The following RBM44 variants were observed in gnomAD, a reference collection of about 807,000 sequenced individuals.
RBM44 encodes the protein RNA-binding protein 44.
A neutral mutation model predicts 105.1 loss-of-function variants in RBM44; 66 were observed. The ratio of observed to expected loss-of-function variants is 0.63; its 90% CI spans 0.52 to 0.77. The LOEUF (loss-of-function observed/expected upper bound fraction) is 0.77. Among genes scored for constraint, RBM44 ranks in the 30% least tolerant of loss-of-function variants. The probability of loss-of-function intolerance (pLI) is 0.00; values close to 1 mark genes in which losing one functional copy is unlikely to be tolerated. For synonymous variants in RBM44, 365 were observed against 417.6 expected, an observed-to-expected ratio of 0.87 and a Z score of 1.54; for missense variants, 1,122 against 1,207.8, an observed-to-expected ratio of 0.93 and a Z score of 1.05.
chr2:237,816,010 T>C (rs1354960573), intron 2 of RBM44, among the ~76,000 whole-genome samples: 1 of 152,154 alleles, frequency 6.6e-6, no homozygotes, highest in African/African-American at 2.4e-5. Flanking sequence ...ATAAAGGGCC[T>C]TTTTCAGTTG....
rs1481563588 is a variant in RBM44, at chr2:237,842,426, G to C, written c.*610G>C. On this transcript the variant is annotated 3_prime_UTR_variant, in exon 16 of 16. Transcript: ENST00000316997. ...TTATGACTTCAGTATAAAACATTCA[G>C]GTGTGTTAGCCTTCCCTGGGAAGGG... 1.3e-5 allele frequency: 2 copies of C among 151,962 alleles called. No homozygotes were observed. Among genetic ancestry groups the C allele is most frequent in the Non-Finnish European group, 2.9e-5 (2 of 67,936 alleles). The allele number at this position is 151,962 out of a possible 1,614,324, so 9.4% of individuals were successfully genotyped here. A position where few individuals can be genotyped will look rare whatever the true frequency, so the allele number is the denominator to read the frequency against.
intron 1 of RBM44, among the ~76,000 whole-genome samples, chr2:237,799,913 G>T (rs1413613337): frequency 1.3e-5 from 2 of 152,152 alleles, no homozygotes; most frequent in African/African-American, 2.4e-5. Flanking sequence ...GGTTTCTGGC[G>T]ATACCATTCC....
At position 237,818,165 on chromosome 2, in the gene RBM44, A is replaced by G; in HGVS notation, c.1246A>G (p.Ile416Val). The change falls in exon 3 of 16, where the codon ATC (isoleucine) becomes GTC (valine). Residue 416 changes from isoleucine to valine, a missense_variant. Transcript: ENST00000316997. The surrounding 1 kb of genome is among the most constrained non-coding windows in gnomAD (Gnocchi z 4.6). ...ALDFSAMLPKIAVRDNQAIED... is the reference protein window; with the variant it reads ...ALDFSAMLPKVAVRDNQAIED... ...AGATTTTTCTGCTATGCTACCAAAG[A>G]TCGCAGTCAGAGATAATCAGGCAAT... 1 of 1,613,196 alleles carries G rather than the reference A, an allele frequency of 6.2e-7. No homozygotes were observed. The highest frequency in any genetic ancestry group is 8.5e-7 in the Non-Finnish European group (1 of 1,179,514).
intron 2 of RBM44, 143 bp from the exon 3 acceptor site, chr2:237,816,850 G>A: frequency 1.8e-6 from 1 of 554,816 alleles, no homozygotes; most frequent in Non-Finnish European, 3.1e-6. Context: ...GTTTTTAGCT[G>A]CTACTGAAAG....
At position 237,823,554 on chromosome 2, in the gene RBM44, G is replaced by T; in HGVS notation, c.2320G>T (p.Asp774Tyr). 7.3e-7 allele frequency: 1 copy of T among 1,361,710 alleles called. No individual in the cohort carries two copies. Among genetic ancestry groups the T allele is most frequent in the Non-Finnish European group, 1.0e-6 (1 of 975,178 alleles). The allele number at this position is 1,361,710 out of a possible 1,614,324, so 84.4% of individuals were successfully genotyped here. A position where few individuals can be genotyped will look rare whatever the true frequency, so the allele number is the denominator to read the frequency against. Residue 774 changes from aspartate to tyrosine, a missense_variant and splice_region_variant, in exon 9 of 16, where the codon GAC (aspartate) becomes TAC (tyrosine). Asp to Tyr is a radical substitution (Grantham distance 160). Around this residue, in one of 3 missense-constraint regions of RBM44, gnomAD observed 918 missense variants for 955.3 expected, o/e 0.96. Transcript: ENST00000316997. ...TAGTCAACTGAAACTTGGTGATAAA[G>T]GTTAGTATAAAAATGTGTTATCTTG... is the stretch of plus-strand genomic sequence containing the variant. ...DFSQLKLGDK[D>Y]CRHYQETSED... is the part of the protein sequence containing the mutation.
chr2:237,835,242 C>T (rs1186556551), intron 15 of RBM44, among the ~76,000 whole-genome samples: 1 of 152,222 alleles, frequency 6.6e-6, no homozygotes, highest in African/African-American at 2.4e-5. Context: ...CTCTTTCCCT[C>T]TCTTTGGTCT....
chr2:237,839,109 A>G (rs1193140335), intron 15 of RBM44, among the ~76,000 whole-genome samples: 2 of 152,218 alleles, frequency 1.3e-5, no homozygotes, highest in Admixed American at 6.5e-5. Flanking sequence ...CCAGGGGCCA[A>G]CCTTGCAAGC....
In RBM44 at chr2:237,818,081, T is replaced by C; in HGVS notation, c.1162T>C (p.Ser388Pro). ...TTCCTGGACCTCTGTTTTTGATGATTCGATAATTTCTGCCTGTGGATATTA... is the reference window on the plus strand; with the variant it reads ...TTCCTGGACCTCTGTTTTTGATGATCCGATAATTTCTGCCTGTGGATATTA... The part of the protein sequence containing the change: ...QTSWTSVFDD[S>P]IISACGYYES... The change falls in exon 3 of 16, where the codon TCG (serine) becomes CCG (proline). Residue 388 changes from serine to proline, a missense_variant. Physicochemically the swap from Ser to Pro is moderately conservative, Grantham distance 74. This residue lies in a region of RBM44 where 918 missense variants were observed against 955.3 expected (regional missense o/e 0.96). Transcript: ENST00000316997. This position sits in a 1 kb window ranked among gnomAD's most constrained non-coding sequence, Gnocchi z 4.6. 3.7e-6 allele frequency: 6 copies of C among 1,612,888 alleles called. No individual in the cohort carries two copies. The highest frequency in any genetic ancestry group is 5.1e-6 in the Non-Finnish European group (6 of 1,179,442).
At chr2:237,809,487 T>C (rs1445437007) in intron 1 of RBM44, among the ~76,000 whole-genome samples, 1 of 152,204 alleles carries the variant, frequency 6.6e-6, no homozygotes, top group Non-Finnish European at 1.5e-5. Context: ...CAGGCATCTT[T>C]CAATATTCCA....
Position 237,842,128 on chromosome 2 carries a change from G to A in RBM44, c.*312G>A, listed in dbSNP as rs1337685545. 1.3e-5 allele frequency: 2 copies of A among 151,990 alleles called. No individual in the cohort carries two copies. The highest frequency in any genetic ancestry group is 2.9e-5 in the Non-Finnish European group (2 of 67,920). 9.4% of individuals were successfully genotyped at this position (151,990 alleles called of 1,614,324 possible). Reference sequence around the variant, plus strand: ...TGCATATTTGTGATCTAAAGAAATTGTCTTGTCCATTTTAAAAACCTTTAT... The same window carrying A: ...TGCATATTTGTGATCTAAAGAAATTATCTTGTCCATTTTAAAAACCTTTAT... On this transcript the variant is annotated 3_prime_UTR_variant, in exon 16 of 16. Coordinates refer to ENST00000316997, the MANE Select transcript of RBM44 (RefSeq NM_001080504.3).
chr2:237,804,336 A>G (rs2061577234), intron 1 of RBM44, among the ~76,000 whole-genome samples: 1 of 152,246 alleles, frequency 6.6e-6, no homozygotes, highest in Non-Finnish European at 1.5e-5. Context: ...TTGCTGGGTC[A>G]AATGGTAGCT....
In RBM44 at chr2:237,817,404, A is replaced by C. The variant is rs754098285; in HGVS notation, c.485A>C (p.Asn162Thr). 1 of 1,601,682 alleles carries C rather than the reference A, an allele frequency of 6.2e-7. No homozygotes were observed. Among genetic ancestry groups the C allele is most frequent in the Non-Finnish European group, 8.5e-7 (1 of 1,173,516 alleles). ...DKTVGLERIY[N>T]ISDANYRESA... ...ACTGTTGGCTTGGAAAGAATCTACA[A>C]TATTTCAGATGCTAATTATAGAGAA... Residue 162 changes from asparagine (N) to threonine (T), a missense_variant, in exon 3 of 16, where the codon AAT (asparagine) becomes ACT (threonine). Transcript: ENST00000316997.
In RBM44 at chr2:237,818,710, G is replaced by T; in HGVS notation, c.1677+114G>T. The T allele has an allele frequency of 1.4e-6, 1 of 733,878 alleles. No homozygotes were observed. The highest frequency in any genetic ancestry group is 2.1e-6 in the Non-Finnish European group (1 of 467,776). 45.5% of individuals were successfully genotyped at this position (733,878 alleles called of 1,614,324 possible). A position where few individuals can be genotyped will look rare whatever the true frequency, so the allele number is the denominator to read the frequency against. ...GCTTTTGTGAGAAGATGCTAGATGA[G>T]GGGAGTAAATTAAAAAGGGAGTAAA... On this transcript the variant is annotated intron_variant, in intron 3 of 15. Coordinates refer to ENST00000316997, the MANE Select transcript of RBM44 (RefSeq NM_001080504.3). The surrounding 1 kb of genome is among the most constrained non-coding windows in gnomAD (Gnocchi z 4.6).
At chr2:237,826,934 C>T (rs1370029112) in intron 10 of RBM44, among the ~76,000 whole-genome samples, 3 of 151,982 alleles carry the variant, frequency 2.0e-5, no homozygotes, top group Non-Finnish European at 2.9e-5. Context: ...GAACCAGTCC[C>T]CCAGGGATAC....
intron 1 of RBM44, among the ~76,000 whole-genome samples, chr2:237,804,160 A>G (rs1016357375): frequency 6.6e-6 from 1 of 152,164 alleles, no homozygotes; most frequent in African/African-American, 2.4e-5. Flanking sequence ...GTGCGCCACC[A>G]CGCCTGACCA....
rs1376107378 is a variant in RBM44 at position 237,817,035 on chromosome 2, C to T, written c.116C>T (p.Ser39Phe). The change falls in exon 3 of 16, where the codon TCC becomes TTC. Residue 39 changes from serine (S) to phenylalanine (F), a missense_variant. Physicochemically the swap from Ser to Phe is radical, Grantham distance 155 (BLOSUM62 -2). Coordinates refer to ENST00000316997, the MANE Select transcript of RBM44 (RefSeq NM_001080504.3). Reference protein sequence around the residue: ...NPKKENLLLSSNGCDEVKLTF... With the variant: ...NPKKENLLLSFNGCDEVKLTF... ...AAGAAAGAAAATTTGTTATTATCCT[C>T]CAATGGTTGTGATGAAGTCAAATTG... 2 of 1,573,362 alleles carry T rather than the reference C, an allele frequency of 1.3e-6. No individual in the cohort carries two copies. Among genetic ancestry groups the T allele is most frequent in the African/African-American group, 2.8e-5 (2 of 72,578 alleles).
At chr2:237,816,143 T>G (rs370793803) in intron 2 of RBM44, among the ~76,000 whole-genome samples, 1 of 152,216 alleles carries the variant, frequency 6.6e-6, no homozygotes, top group South Asian at 2.1e-4. Flanking sequence ...AATAATTTTG[T>G]CTATTTTGTT....
intron 10 of RBM44, 37 bp downstream of exon 10, chr2:237,824,456 A>G (rs760562262): frequency 1.3e-6 from 2 of 1,581,672 alleles, no homozygotes; most frequent in Non-Finnish European, 1.7e-6. Context: ...ATCCTAACCT[A>G]GATCATTTGT....
intron 1 of RBM44, among the ~76,000 whole-genome samples, chr2:237,808,815 G>A (rs2061625836): frequency 6.6e-6 from 1 of 152,124 alleles, no homozygotes; most frequent in African/African-American, 2.4e-5. Flanking sequence ...CTGCATGATA[G>A]GTATTCCATT....
Sources: gnomAD v4.1 joint callset for allele counts (sites outside exome capture counted in the v4.1 genomes callset) on GRCh38, gnomAD v4.1.1 for gene constraint, gnomAD v4.1.1 regional missense constraint, Gnocchi (gnomAD v3.1) non-coding constraint, MANE v1.5 for transcripts, NCBI Gene and HGNC (gene_info 2026-07-23, HGNC 2026-07-21) for gene names.